Variants in FARP2 observed in about 807,000 individuals in gnomAD.
FARP2 encodes the protein FERM, ARH/RhoGEF and pleckstrin domain protein 2.
FARP2 carries 111 observed loss-of-function variants against 130.5 expected under a neutral mutation model. The observed-to-expected ratio is 0.85, with a 90% CI of 0.73 to 1.00. FARP2 has a LOEUF of 1.00. Among genes scored for constraint, FARP2 ranks in the 50% least tolerant of loss-of-function variants. FARP2 has a pLI of 0.00. For synonymous variants in FARP2, 504 were observed against 516.9 expected (o/e 0.98, Z 0.34); for missense variants, 1,385 against 1,346.3 (o/e 1.03, Z -0.45).
intron 1 of FARP2, among the ~76,000 whole-genome samples, chr2:241,358,910 A>G (rs2061123852): frequency 6.6e-6 from 1 of 152,190 alleles, no homozygotes; most frequent in African/African-American, 2.4e-5. Flanking sequence ...ATCTTTTTGG[A>G]AAGTAGCAGT....
At chr2:241,437,648 A>ATTTATT (rs1553723636) in intron 12 of FARP2, among the ~76,000 whole-genome samples, 25 of 139,550 alleles carry the variant, frequency 1.8e-4, no homozygotes, top group East Asian at 1.1e-3. Flanking sequence ...ACATATATAT[A>ATTTATT]TATTTATTTA....
At chr2:241,430,431 C>G (rs952527871) in intron 8 of FARP2, among the ~76,000 whole-genome samples, 1 of 152,178 alleles carries the variant, frequency 6.6e-6, no homozygotes, top group Non-Finnish European at 1.5e-5. Flanking sequence ...CTGGCCCTCT[C>G]AACAGACAAT....
At chr2:241,454,855 G>C (rs1025869488) in intron 13 of FARP2, among the ~76,000 whole-genome samples, 2 of 152,210 alleles carry the variant, frequency 1.3e-5, no homozygotes, top group Non-Finnish European at 2.9e-5. Flanking sequence ...CCAGAGGAAA[G>C]CTCTGCTATC....
At chr2:241,491,289 C>A in intron 23 of FARP2, 110 bp downstream of exon 23, 2 of 911,198 alleles carry the variant, frequency 2.2e-6, no homozygotes, top group Non-Finnish European at 1.8e-6. Flanking sequence ...CACACAATCC[C>A]CTTCCACAAG....
chr2:241,414,518 G>T (rs1181703947), intron 7 of FARP2, among the ~76,000 whole-genome samples: 2 of 152,234 alleles, frequency 1.3e-5, no homozygotes, highest in Admixed American at 6.5e-5. Flanking sequence ...ATGAGTGCCA[G>T]CTATGCATCC....
intron 17 of FARP2, chr2:241,465,695 T>TGACC (rs1180922652): frequency 6.4e-7 from 1 of 1,550,848 alleles, no homozygotes; most frequent in East Asian, 2.4e-5. Context: ...GTTCACCACG[T>TGACC]GACCGCCCAA....
intron 1 of FARP2, among the ~76,000 whole-genome samples, chr2:241,358,587 GTTC>G (rs763228111): frequency 2.0e-5 from 3 of 152,122 alleles, no homozygotes; most frequent in Non-Finnish European, 4.4e-5. Flanking sequence ...TTTCAGTTTT[GTTC>G]TTATTTTTCC....
intron 18 of FARP2, among the ~76,000 whole-genome samples, chr2:241,469,744 G>A (rs2064260289): frequency 6.6e-6 from 1 of 152,224 alleles, no homozygotes; most frequent in African/African-American, 2.4e-5. Context: ...GGCCACCAGG[G>A]AAGCCATGCC....
At chr2:241,366,686 A>T (rs565283353) in intron 1 of FARP2, among the ~76,000 whole-genome samples, 2 of 152,116 alleles carry the variant, frequency 1.3e-5, no homozygotes, top group Non-Finnish European at 2.9e-5. Context: ...ACCAAACACT[A>T]TAAATTAGTA....
intron 1 of FARP2, among the ~76,000 whole-genome samples, chr2:241,361,800 G>A (rs998854862): frequency 6.6e-6 from 1 of 152,126 alleles, no homozygotes; most frequent in Non-Finnish European, 1.5e-5. Flanking sequence ...GTGGGAATGT[G>A]TTTGTGAAGG....
In FARP2 at chr2:241,463,902, AG is replaced by A; in HGVS notation, c.1818del (p.Ser608ProfsTer23). On this transcript the variant is annotated frameshift_variant, in exon 17 of 27. Transcript: ENST00000264042. LOFTEE classifies it high-confidence loss of function. The stretch of plus-strand genomic sequence containing the variant: ...GACTTTGTTTCTTTTTACTCAGGGA[AG>A]GGCCCTCCAAAGCCCACACAAAAGG... The part of the protein sequence containing the change: ...EVEQRLALWE[G>X]PSKAHTKGSH... 6.2e-7 allele frequency: 1 copy of A among 1,613,450 alleles called. No homozygotes were observed. Among genetic ancestry groups the A allele is most frequent in the Non-Finnish European group, 8.5e-7 (1 of 1,179,402 alleles).
At chr2:241,402,844 A>T (rs866580953) in intron 2 of FARP2, among the ~76,000 whole-genome samples, 1 of 5,092 alleles carries the variant, frequency 2.0e-4, no homozygotes, top group Admixed American at 3.1e-3. Context: ...ATTTATATAT[A>T]TATATATATA....
intron 21 of FARP2, among the ~76,000 whole-genome samples, chr2:241,487,681 G>GA (rs2124900906): frequency 1.3e-5 from 1 of 76,792 alleles, no homozygotes; most frequent in Non-Finnish European, 2.8e-5. Flanking sequence ...AAAAAAAAAA[G>GA]AAAGAAAAGA....
intron 3 of FARP2, among the ~76,000 whole-genome samples, 184 bp downstream of exon 3, chr2:241,404,116 G>A (rs1448308474): frequency 6.6e-6 from 1 of 152,190 alleles, no homozygotes; most frequent in East Asian, 1.9e-4. Context: ...CCCTAAATGT[G>A]TTCTGTTTGT....
chr2:241,456,892 C>T lies in FARP2; in HGVS notation c.1557C>T (p.Ala519=), dbSNP rs746457263. The change falls in exon 14 of 27, where the codon GCC becomes GCT. Residue 519 remains alanine (A), a synonymous_variant. Coordinates refer to ENST00000264042, the MANE Select transcript of FARP2 (RefSeq NM_014808.4). ...CTGTCCTCAGTGATGCTGGCGGAGC[C>T]GGGATGGACTGCGAGGAGCCCAGAC... ...LSPVLSDAGG[A]GMDCEEPRHK... The T allele has an allele frequency of 3.5e-5, 56 of 1,607,718 alleles. No individual in the cohort carries two copies. The highest frequency in any genetic ancestry group is 2.7e-4 in the South Asian group (24 of 90,494).
At chr2:241,416,228 GTGTCCTTACA>G (rs1445379448) in intron 7 of FARP2, among the ~76,000 whole-genome samples, 1 of 152,082 alleles carries the variant, frequency 6.6e-6, no homozygotes, top group Non-Finnish European at 1.5e-5. Flanking sequence ...CTGCATGTGT[GTGTCCTTACA>G]TGTGCACATG....
intron 9 of FARP2, among the ~76,000 whole-genome samples, chr2:241,433,638 ATT>A (rs1178328506): frequency 6.6e-6 from 1 of 152,184 alleles, no homozygotes; most frequent in African/African-American, 2.4e-5. Context: ...GGGTGACTTC[ATT>A]TTTCTGCTAG....
chr2:241,491,711 C>G (rs1458530674), intron 24 of FARP2, 32 bp downstream of exon 24: 10 of 1,558,036 alleles, frequency 6.4e-6, no homozygotes, highest in African/African-American at 2.7e-5. Flanking sequence ...CTCAGTGCAT[C>G]TGGAATGTTC....
chr2:241,493,691 T>C (rs1449312511), intron 26 of FARP2: 2 of 535,826 alleles, frequency 3.7e-6, no homozygotes, highest in Non-Finnish European at 6.6e-6. Flanking sequence ...ACCTCCAGGG[T>C]TCAAGCGATT....
Sources: allele counts gnomAD v4.1 joint callset (sites outside exome capture counted in the v4.1 genomes callset), GRCh38; gene constraint gnomAD v4.1.1; transcripts MANE v1.5; gene names NCBI Gene and HGNC (gene_info 2026-07-23, HGNC 2026-07-21).